Variants in PSEN2 observed in about 807,000 individuals in gnomAD.
PSEN2 encodes the protein presenilin-2.
PSEN2 carries 32 observed loss-of-function variants against 49.1 expected under a neutral mutation model. That is an observed-to-expected ratio of 0.65 (90% CI 0.49 to 0.88). The LOEUF is 0.88. Ranked by LOEUF, PSEN2 falls within the 40% of genes least tolerant of loss-of-function variation. PSEN2 has a pLI of 0.00. For synonymous variants in PSEN2, 255 were observed against 244.0 expected (o/e 1.05, Z -0.42); for missense variants, 522 against 586.9 (o/e 0.89, Z 1.14).
At chr1:226,899,842 G>T (rs558155824), downstream of PSEN2, among the ~76,000 whole-genome samples, 49 of 152,310 alleles carry the variant, frequency 3.2e-4, no homozygotes, top group African/African-American at 9.9e-4. Flanking sequence ...CATCCAGCAT[G>T]AAAGGAGGTT....
downstream of PSEN2, among the ~76,000 whole-genome samples, chr1:226,900,744 C>T (rs188344621): frequency 7.3e-4 from 111 of 152,176 alleles, 1 homozygote; most frequent in East Asian, 2.9e-3. Flanking sequence ...TGACTAATGG[C>T]CAACTGAATA....
At chr1:226,886,621 A>G (rs2102679477) in intron 6 of PSEN2, among the ~76,000 whole-genome samples, 1 of 152,348 alleles carries the variant, frequency 6.6e-6, no homozygotes, top group East Asian at 1.9e-4. Flanking sequence ...CAGGTGCCTC[A>G]CAGCATTTTT....
At chr1:226,881,592 TTGAA>T (rs1474225700) in intron 3 of PSEN2, among the ~76,000 whole-genome samples, 6 of 152,216 alleles carry the variant, frequency 3.9e-5, no homozygotes, top group Non-Finnish European at 7.3e-5. Flanking sequence ...TGTTTGCTGA[TTGAA>T]TGAATGAGCA....
rs551438819 is a variant in PSEN2 at position 226,894,182 on chromosome 1, T to C, written c.1191+57T>C. On this transcript the variant is annotated intron_variant, in intron 12 of 12. Coordinates refer to ENST00000366783, the MANE Select transcript of PSEN2 (RefSeq NM_000447.3). Reference sequence around the variant, plus strand: ...GTGGTGGGGGCCCCCAGGGTCCTCATTGTGGTGGGGGCAGGTCTCAGGATC... The same window carrying C: ...GTGGTGGGGGCCCCCAGGGTCCTCACTGTGGTGGGGGCAGGTCTCAGGATC... 1,680 of 1,261,736 alleles carry C rather than the reference T, an allele frequency of 1.3e-3. 2 individuals are homozygous for C. The highest frequency in any genetic ancestry group is 1.7e-3 in the Non-Finnish European group (1,481 of 862,432). 78.2% of individuals were successfully genotyped at this position (1,261,736 alleles called of 1,614,324 possible).
chr1:226,899,828 A>G (rs1662255446), downstream of PSEN2, among the ~76,000 whole-genome samples: 4 of 151,946 alleles, frequency 2.6e-5, no homozygotes, highest in South Asian at 8.3e-4. Context: ...GTCAAGTCAC[A>G]CTCCATCCAG....
intron 2 of PSEN2, among the ~76,000 whole-genome samples, chr1:226,872,815 G>C (rs961221948): frequency 6.6e-6 from 1 of 152,162 alleles, no homozygotes; most frequent in Non-Finnish European, 1.5e-5. Flanking sequence ...GAGAGGCCCC[G>C]AGAGGAACAT....
intron 12 of PSEN2, among the ~76,000 whole-genome samples, chr1:226,902,572 G>A (rs1442828577): frequency 6.6e-6 from 1 of 152,152 alleles, no homozygotes; most frequent in African/African-American, 2.4e-5. Flanking sequence ...GGGGTTGGAA[G>A]GTAGGCAGGG....
intron 3 of PSEN2, among the ~76,000 whole-genome samples, chr1:226,880,063 C>A (rs1045103789): frequency 6.6e-6 from 1 of 152,202 alleles, no homozygotes; most frequent in Non-Finnish European, 1.5e-5. Context: ...GTGGAAGGAA[C>A]CTGCCTGCTT....
chr1:226,900,159 C>T (rs1296505881), downstream of PSEN2, among the ~76,000 whole-genome samples: 2 of 152,152 alleles, frequency 1.3e-5, no homozygotes, highest in Admixed American at 6.5e-5. Flanking sequence ...CCCCGGGAGG[C>T]AGCAGATGAC....
chr1:226,877,373 A>G (rs1365156398), intron 3 of PSEN2, among the ~76,000 whole-genome samples: 1 of 152,230 alleles, frequency 6.6e-6, no homozygotes, highest in Non-Finnish European at 1.5e-5. Flanking sequence ...TTTCCTCATC[A>G]GTACCATGGG....
rs200123982 is a variant in PSEN2, at chr1:226,891,248, C to G, written c.887-30C>G. On this transcript the variant is annotated intron_variant, in intron 9 of 12. Transcript: ENST00000366783. ...TGCAGGCAGCCACTGTTAGCACCGCCTGAGATGTGAACCTTTTCTCCTCCC... is the reference window on the plus strand; with the variant it reads ...TGCAGGCAGCCACTGTTAGCACCGCGTGAGATGTGAACCTTTTCTCCTCCC... 27 of 1,607,714 alleles carry G rather than the reference C, an allele frequency of 1.7e-5. No individual in the cohort carries two copies. The Admixed American group carries it at 2.2e-4, about 13-fold the overall frequency.
intron 9 of PSEN2, 125 bp from the exon 10 acceptor site, chr1:226,891,153 C>T (rs985295038): frequency 1.6e-5 from 12 of 770,458 alleles, no homozygotes; most frequent in South Asian, 1.5e-4. Flanking sequence ...GGAGCATGAG[C>T]AGATACCTGC....
At position 226,891,745 on chromosome 1, in the gene PSEN2, G is replaced by T. The variant is rs778824612; in HGVS notation, c.973G>T (p.Glu325Ter). ...LQLPYDPEME[E>*]DSYDSFGEPS... The stretch of plus-strand genomic sequence containing the variant: ...ATCTTCTCTTCCTGGACACCCAGAA[G>T]AAGACTCCTATGACAGTTTTGGGGA... The change falls in exon 11 of 13, where the codon GAA becomes TAA. Residue 325 changes from glutamate (E) to a stop codon, truncating the protein, a stop_gained and splice_region_variant. Transcript: ENST00000366783. LOFTEE classifies it high-confidence loss of function. The T allele has an allele frequency of 6.2e-7, 1 of 1,613,656 alleles. No individual in the cohort carries two copies. The highest frequency in any genetic ancestry group is 8.5e-7 in the Non-Finnish European group (1 of 1,179,682).
rs550526840 is a variant in PSEN2 at position 226,882,102 on chromosome 1, C to G, written c.141+54C>G. ...CAAACAGGTCCCTGCGGCTACTGTA[C>G]CTTACAGATGAAAACCAGACATTCA... On this transcript the variant is annotated intron_variant, in intron 4 of 12. Coordinates refer to ENST00000366783, the MANE Select transcript of PSEN2 (RefSeq NM_000447.3). The G allele has an allele frequency of 7.5e-6, 12 of 1,602,758 alleles. 1 individual carries two copies. In the East Asian group the frequency reaches 2.7e-4, roughly 36 times the overall value.
chr1:226,890,239 C>A lies in PSEN2; in HGVS notation c.886+106C>A, dbSNP rs926266081. ...TGGCTTTCAGAGTTGACTGGGCGAT[C>A]CCAGGAGGGTCTCCACTTTCAGAAG... On this transcript the variant is annotated intron_variant, in intron 9 of 12. Coordinates refer to ENST00000366783, the MANE Select transcript of PSEN2 (RefSeq NM_000447.3). 324 of 907,596 alleles carry A rather than the reference C, an allele frequency of 3.6e-4. 4 individuals are homozygous for A. The highest frequency in any genetic ancestry group is 2.7e-4 in the Middle Eastern group (1 of 3,716). 56.2% of individuals were successfully genotyped at this position (907,596 alleles called of 1,614,324 possible).
intron 6 of PSEN2, 150 bp downstream of exon 6, chr1:226,885,829 C>A: frequency 1.2e-6 from 1 of 832,234 alleles, no homozygotes; most frequent in Non-Finnish European, 2.0e-6. Flanking sequence ...CCCATCCTGT[C>A]TCCCACCGTG....
downstream of PSEN2, among the ~76,000 whole-genome samples, chr1:226,901,202 G>A (rs187040023): frequency 1.3e-5 from 2 of 152,138 alleles, no homozygotes; most frequent in Non-Finnish European, 2.9e-5. Flanking sequence ...GTGGGAGGCC[G>A]AGGTGGGCGG....
At chr1:226,880,656 G>C in intron 3 of PSEN2, 1 of 1,612,036 alleles carries the variant, frequency 6.2e-7, no homozygotes, top group Non-Finnish European at 8.5e-7. Flanking sequence ...ATGTTGGCAG[G>C]GACTGTCAGA....
chr1:226,895,698 C>A lies in PSEN2; in HGVS notation c.*119C>A. ...TTTTCTTTCCTTAAAAAATAAAGTA[C>A]GTGTTTACTTGGTGAGGAGGAGGCA... On this transcript the variant is annotated 3_prime_UTR_variant, in exon 13 of 13. Coordinates refer to ENST00000366783, the MANE Select transcript of PSEN2 (RefSeq NM_000447.3). 7.9e-7 allele frequency: 1 copy of A among 1,271,066 alleles called. No homozygotes were observed. The highest frequency in any genetic ancestry group is 1.1e-6 in the Non-Finnish European group (1 of 915,490). 78.7% of individuals were successfully genotyped at this position (1,271,066 alleles called of 1,614,324 possible).
Sources: allele counts gnomAD v4.1 joint callset (sites outside exome capture counted in the v4.1 genomes callset), GRCh38; gene constraint gnomAD v4.1.1; transcripts MANE v1.5; gene names NCBI Gene and HGNC (gene_info 2026-07-23, HGNC 2026-07-21).